STX16: variants seen among roughly 807,000 people sequenced by gnomAD.
STX16 encodes the protein syntaxin-16.
In STX16, 28 loss-of-function variants were observed where a neutral mutation model predicts 42.7. The ratio of observed to expected loss-of-function variants is 0.66; its 90% CI spans 0.49 to 0.90. The LOEUF (loss-of-function observed/expected upper bound fraction) is 0.90. Ranked by LOEUF, STX16 falls within the 40% of genes least tolerant of loss-of-function variation. STX16 has a pLI of 0.00. For synonymous variants in STX16, 156 were observed against 155.2 expected (o/e 1.00, Z -0.04); for missense variants, 361 against 420.9 (o/e 0.86, Z 1.24).
intron 6 of STX16, 151 bp downstream of exon 6, chr20:58,670,754 C>G (rs1212516633): frequency 1.0e-5 from 7 of 677,196 alleles, no homozygotes; most frequent in African/African-American, 1.8e-5. Context: ...GGTGGAAGAA[C>G]AGCCGTACTG....
chr20:58,652,189 C>T, intron 1 of STX16, 51 bp downstream of exon 1: 1 of 1,609,324 alleles, frequency 6.2e-7, no homozygotes, highest in Non-Finnish European at 8.5e-7. Flanking sequence ...CACTGCGGCT[C>T]TGCCTGTTTG....
Position 58,673,728 on chromosome 20 carries a change from G to A in STX16, c.873+17G>A. Reference sequence around the variant, plus strand: ...CTTCACAAGGTAATATGTCTTTCAAGACTTGGGAATCTTAGGAACTATTTT... The same window carrying A: ...CTTCACAAGGTAATATGTCTTTCAAAACTTGGGAATCTTAGGAACTATTTT... On this transcript the variant is annotated intron_variant, in intron 8 of 8. Coordinates refer to ENST00000371141, the MANE Select transcript of STX16 (RefSeq NM_001001433.3). The A allele has an allele frequency of 6.4e-7, 1 of 1,568,450 alleles. No homozygotes were observed. The highest frequency in any genetic ancestry group is 8.8e-7 in the Non-Finnish European group (1 of 1,138,942).
chr20:58,671,447 T>G (rs1282925868), intron 7 of STX16, 150 bp downstream of exon 7: 8 of 418,556 alleles, frequency 1.9e-5, no homozygotes, highest in East Asian at 1.6e-4. Context: ...GGTGTGTGTG[T>G]GTGTGTGTGT....
At chr20:58,675,930 G>T (rs6123819) in intron 8 of STX16, among the ~76,000 whole-genome samples, 1 of 152,052 alleles carries the variant, frequency 6.6e-6, no homozygotes, top group Non-Finnish European at 1.5e-5. Flanking sequence ...TCCCTGTCAG[G>T]CTTTGTCTTA....
intron 2 of STX16, 111 bp from the exon 3 acceptor site, chr20:58,667,379 A>ATTCACTCAAACC: frequency 1.1e-6 from 1 of 889,608 alleles, no homozygotes; most frequent in Non-Finnish European, 1.8e-6. Flanking sequence ...GAGAGTAAAC[A>ATTCACTCAAACC]TTCACTCCTT....
At chr20:58,652,316 G>A (rs1204015985) in intron 1 of STX16, 178 bp downstream of exon 1, 1 of 890,870 alleles carries the variant, frequency 1.1e-6, no homozygotes, top group Admixed American at 2.0e-5. Context: ...AGGAAGAAGC[G>A]GTGCTGTGAG....
chr20:58,658,104 G>T (rs2083619381), intron 1 of STX16, among the ~76,000 whole-genome samples: 1 of 152,202 alleles, frequency 6.6e-6, no homozygotes, highest in Admixed American at 6.5e-5. Context: ...GAAGATCAGG[G>T]TGTGTGTGCT....
chr20:58,671,315 C>T lies in STX16; in HGVS notation c.792+18C>T, dbSNP rs1174977335. On this transcript the variant is annotated intron_variant, in intron 7 of 8. Coordinates refer to ENST00000371141, the MANE Select transcript of STX16 (RefSeq NM_001001433.3). ...TAGAACAGGTACGTGAGCTGGCCTTCCTCGTGAATAGGTTTTCCTGCCATA... is the reference window on the plus strand; with the variant it reads ...TAGAACAGGTACGTGAGCTGGCCTTTCTCGTGAATAGGTTTTCCTGCCATA... 1.3e-6 allele frequency: 2 copies of T among 1,590,680 alleles called. No homozygotes were observed. The highest frequency in any genetic ancestry group is 1.7e-6 in the Non-Finnish European group (2 of 1,165,128).
chr20:58,662,521 AT>A (rs34917619), intron 2 of STX16, among the ~76,000 whole-genome samples: 3 of 151,942 alleles, frequency 2.0e-5, no homozygotes, highest in Admixed American at 6.6e-5. Context: ...ATTTATTTTT[AT>A]TTTTTTGAGA....
At chr20:58,652,784 A>G (rs1207771098) in intron 1 of STX16, among the ~76,000 whole-genome samples, 5 of 152,124 alleles carry the variant, frequency 3.3e-5, no homozygotes, top group Admixed American at 3.3e-4. Context: ...CCAGACAGGA[A>G]ATTAAGCTTT....
In STX16 at chr20:58,669,390, C is replaced by A; in HGVS notation, c.493C>A (p.Leu165Met). Residue 165 changes from leucine to methionine, a missense_variant, in exon 5 of 9, where the codon CTG becomes ATG. By Grantham distance (15) the Leu-to-Met change is conservative (BLOSUM62 2). Transcript: ENST00000371141. ...GCTGCTTGGGAACGTGGTGGCCTCG[C>A]TGGCGCAGGCCCTGCAGGAACTCTC... ...GRLLGNVVAS[L>M]AQALQELSTS... 1 of 1,611,920 alleles carries A rather than the reference C, an allele frequency of 6.2e-7. No individual in the cohort carries two copies. Among genetic ancestry groups the A allele is most frequent in the South Asian group, 1.1e-5 (1 of 90,912 alleles).
At position 58,677,177 on chromosome 20, in the gene STX16, A is replaced by C. The variant is rs1051946964; in HGVS notation, c.*886A>C. 1 of 152,662 alleles carries C rather than the reference A, an allele frequency of 6.6e-6. No individual in the cohort carries two copies. Among genetic ancestry groups the C allele is most frequent in the Non-Finnish European group, 1.5e-5 (1 of 68,044 alleles). The allele number at this position is 152,662 out of a possible 1,614,324, so 9.5% of individuals were successfully genotyped here. ...CCCAGCCATCCTTGCTCAATCCATT[A>C]CTTATATACTAACTACATAATGACC... On this transcript the variant is annotated 3_prime_UTR_variant, in exon 9 of 9. Transcript: ENST00000371141.
intron 1 of STX16, among the ~76,000 whole-genome samples, chr20:58,654,102 G>A (rs1482309641): frequency 6.6e-6 from 1 of 152,028 alleles, no homozygotes; most frequent in Non-Finnish European, 1.5e-5. Flanking sequence ...TTTGAAAATA[G>A]ATTTCTAAAC....
chr20:58,672,341 T>A (rs1012919429), intron 7 of STX16, among the ~76,000 whole-genome samples: 38 of 151,840 alleles, frequency 2.5e-4, no homozygotes, highest in African/African-American at 8.9e-4. Flanking sequence ...TCAAAAAATA[T>A]ATATATATAT....
intron 1 of STX16, 148 bp from the exon 2 acceptor site, chr20:58,659,475 C>G: frequency 1.6e-6 from 1 of 613,444 alleles, no homozygotes; most frequent in African/African-American, 1.9e-5. Flanking sequence ...TTTTAAAATG[C>G]CTTGCTTAGT....
chr20:58,671,072 TA>T, intron 6 of STX16, 81 bp from the exon 7 acceptor site: 1 of 1,313,888 alleles, frequency 7.6e-7, no homozygotes. Flanking sequence ...TCATTGTCTT[TA>T]AATTATATCT....
intron 4 of STX16, among the ~76,000 whole-genome samples, chr20:58,668,466 T>C (rs2083892489): frequency 6.6e-6 from 1 of 152,238 alleles, no homozygotes; most frequent in Non-Finnish European, 1.5e-5. Context: ...ATTATAGTCC[T>C]CATAATTGAA....
chr20:58,669,344 C>T lies in STX16; in HGVS notation c.447C>T (p.Ala149=). The change falls in exon 5 of 9, where the codon GCC becomes GCT. Residue 149 remains alanine, a synonymous_variant. Transcript: ENST00000371141. ...AVQALPSRAR[A]CSEQEGRLLG... ...AGGCCCTGCCGAGCCGGGCCCGGGCCTGCTCCGAGCAGGAGGGGCGGCTGC... is the reference window on the plus strand; with the variant it reads ...AGGCCCTGCCGAGCCGGGCCCGGGCTTGCTCCGAGCAGGAGGGGCGGCTGC... 6.2e-7 allele frequency: 1 copy of T among 1,612,196 alleles called. No homozygotes were observed. Among genetic ancestry groups the T allele is most frequent in the Non-Finnish European group, 8.5e-7 (1 of 1,179,242 alleles).
chr20:58,670,410 T>G (rs1187194227), intron 5 of STX16, 102 bp from the exon 6 acceptor site: 7 of 897,260 alleles, frequency 7.8e-6, no homozygotes, highest in Non-Finnish European at 1.2e-5. Flanking sequence ...AATATCTCAA[T>G]TTTGACTGTT....
Sources: gnomAD v4.1 joint callset for allele counts (sites outside exome capture counted in the v4.1 genomes callset) on GRCh38, gnomAD v4.1.1 for gene constraint, MANE v1.5 for transcripts, NCBI Gene and HGNC (gene_info 2026-07-23, HGNC 2026-07-21) for gene names.